Variants in ABHD12 observed in about 807,000 individuals in gnomAD.
The protein encoded by ABHD12 is abhydrolase domain containing 12, lysophospholipase.
A neutral mutation model predicts 58.3 loss-of-function variants in ABHD12; 43 were observed. The observed-to-expected ratio is 0.74, with a 90% CI of 0.58 to 0.95. The LOEUF is 0.95. Ranked by LOEUF, ABHD12 falls within the 40% of genes least tolerant of loss-of-function variation. The probability of loss-of-function intolerance (pLI) is 0.00; values close to 1 mark genes in which losing one functional copy is unlikely to be tolerated. For synonymous variants in ABHD12, 219 were observed against 211.2 expected, an observed-to-expected ratio of 1.04 and a Z score of -0.32; for missense variants, 539 against 537.2, an observed-to-expected ratio of 1.00 and a Z score of -0.03.
chr20:25,320,302 C>A lies in ABHD12; in HGVS notation c.439G>T (p.Val147Phe), dbSNP rs202035822. The change falls in exon 4 of 13, where the codon GTC becomes TTC. Residue 147 changes from valine (V) to phenylalanine (F), a missense_variant. Transcript: ENST00000339157. ...TTGCCTTGGGCGTTCTTCCACCAGA[C>A]TGCAGGGACGGTGTGCCTGCAGACA... ...TIGVWHTVPAVWWKNAQGKDQ... is the reference protein window; with the variant it reads ...TIGVWHTVPAFWWKNAQGKDQ... The A allele has an allele frequency of 1.2e-6, 2 of 1,614,036 alleles. No individual in the cohort carries two copies. The highest frequency in any genetic ancestry group is 2.2e-5 in the East Asian group (1 of 44,884).
intron 1 of ABHD12, among the ~76,000 whole-genome samples, chr20:25,382,947 G>C (rs116335933): frequency 0.012 from 1,844 of 152,224 alleles, 42 homozygotes; most frequent in African/African-American, 0.042. Context: ...TGAGGGGGGG[G>C]GCCAGCTATG....
chr20:25,355,136 TG>T (rs1347591572), intron 1 of ABHD12, among the ~76,000 whole-genome samples: 2 of 152,174 alleles, frequency 1.3e-5, no homozygotes, highest in African/African-American at 4.8e-5. Context: ...TGGGGTGTTC[TG>T]GGCACCACTG....
intron 1 of ABHD12, among the ~76,000 whole-genome samples, chr20:25,362,295 C>T (rs1033344969): frequency 1.1e-4 from 16 of 151,618 alleles, no homozygotes; most frequent in African/African-American, 3.9e-4. Context: ...AAAGAAAAGG[C>T]CGGGCACAGT....
At chr20:25,295,785 T>C (rs1204011964), downstream of ABHD12, 3 of 1,177,732 alleles carry the variant, frequency 2.5e-6, no homozygotes, top group East Asian at 7.3e-5. Flanking sequence ...GCCAGAGGGG[T>C]TTGTGATTCT....
At position 25,300,813 on chromosome 20, in the gene ABHD12, G is replaced by A. The variant is rs1334243262; in HGVS notation, c.*32C>T. 6.2e-6 allele frequency: 10 copies of A among 1,613,934 alleles called. No homozygotes were observed. Among genetic ancestry groups the A allele is most frequent in the African/African-American group, 1.3e-5 (1 of 74,944 alleles). On this transcript the variant is annotated 3_prime_UTR_variant, in exon 13 of 13. Coordinates refer to ENST00000339157, the MANE Select transcript of ABHD12 (RefSeq NM_001042472.3). The stretch of plus-strand genomic sequence containing the variant: ...ACTGGAGGAAAACGGGAGGAGGGCA[G>A]AGGTCTTCATGCTTCCTTCCCACGG...
chr20:25,376,314 G>A (rs1014956525), intron 1 of ABHD12, among the ~76,000 whole-genome samples: 2 of 152,100 alleles, frequency 1.3e-5, no homozygotes, highest in Non-Finnish European at 2.9e-5. Context: ...GCTTTTAGGC[G>A]GAAATCTTAA....
chr20:25,295,830 G>A (rs372320240), downstream of ABHD12, among the ~76,000 whole-genome samples: 4 of 152,364 alleles, frequency 2.6e-5, no homozygotes, highest in East Asian at 5.8e-4. Context: ...TGCCTTTAGG[G>A]AAGCTGTCAC....
intron 3 of ABHD12, 24 bp from the exon 4 acceptor site, chr20:25,320,342 C>A (rs767058384): frequency 6.2e-7 from 1 of 1,611,938 alleles, no homozygotes; most frequent in Non-Finnish European, 8.5e-7. Flanking sequence ...CAGAGGGGAG[C>A]GCAGGATCAG....
chr20:25,334,132 A>T (rs1256639358), intron 2 of ABHD12, among the ~76,000 whole-genome samples: 1 of 151,254 alleles, frequency 6.6e-6, no homozygotes, highest in Non-Finnish European at 1.5e-5. Flanking sequence ...AAATCAATGT[A>T]CAAAAATCAC....
At chr20:25,365,880 A>T (rs2089813787) in intron 1 of ABHD12, among the ~76,000 whole-genome samples, 3 of 152,122 alleles carry the variant, frequency 2.0e-5, no homozygotes, top group Admixed American at 6.6e-5. Context: ...TTTCTACAAA[A>T]AATTTAAACA....
chr20:25,353,022 TAAAC>T (rs1459877355), intron 1 of ABHD12, among the ~76,000 whole-genome samples: 1 of 152,192 alleles, frequency 6.6e-6, no homozygotes, highest in Non-Finnish European at 1.5e-5. Flanking sequence ...TTTTTATAAA[TAAAC>T]AAACAGAGCC....
chr20:25,306,457 A>T (rs956524331), intron 10 of ABHD12, among the ~76,000 whole-genome samples: 2 of 152,112 alleles, frequency 1.3e-5, no homozygotes, highest in African/African-American at 4.8e-5. Context: ...GGTTCACTGC[A>T]GTCTTGACCT....
chr20:25,299,581 C>T (rs117921805), downstream of ABHD12, among the ~76,000 whole-genome samples: 243 of 152,148 alleles, frequency 1.6e-3, 5 homozygotes, highest in East Asian at 0.039. Context: ...AAGTGTGCGA[C>T]GAGGCCAGGA....
intron 4 of ABHD12, among the ~76,000 whole-genome samples, 184 bp downstream of exon 4, chr20:25,320,015 C>G (rs1479595361): frequency 6.6e-6 from 1 of 152,260 alleles, no homozygotes. Context: ...TTCCCTCAAC[C>G]CCTTCAGAAC....
chr20:25,315,102 G>T, intron 5 of ABHD12, 132 bp from the exon 6 acceptor site: 1 of 938,800 alleles, frequency 1.1e-6, no homozygotes, highest in South Asian at 1.4e-5. Flanking sequence ...TAAAGACTGT[G>T]ACATGCTGCC....
At chr20:25,325,221 AAAAAAAAAAG>A (rs2089153997) in intron 2 of ABHD12, among the ~76,000 whole-genome samples, 1 of 149,438 alleles carries the variant, frequency 6.7e-6, no homozygotes, top group Non-Finnish European at 1.5e-5. Context: ...AAAAAAAAAA[AAAAAAAAAAG>A]AACTGGCTTT....
intron 2 of ABHD12, among the ~76,000 whole-genome samples, chr20:25,337,213 C>G (rs1156405621): frequency 6.6e-6 from 1 of 152,180 alleles, no homozygotes; most frequent in African/African-American, 2.4e-5. Context: ...CTGCAGTGAG[C>G]CGTGATCATA....
In ABHD12 at chr20:25,307,997, C is replaced by T. The variant is rs180761451; in HGVS notation, c.836G>A (p.Arg279His). The change falls in exon 9 of 13, where the codon CGC becomes CAC. Residue 279 changes from arginine (R) to histidine (H), a missense_variant. Coordinates refer to ENST00000339157, the MANE Select transcript of ABHD12 (RefSeq NM_001042472.3). ...LILESPFTNI[R>H]EEAKSHPFSV... The stretch of plus-strand genomic sequence containing the variant: ...AAATGGATGGCTCTTAGCTTCTTCG[C>T]GGATATTAGTGAATGGAGATTCCAA... 121 of 1,609,180 alleles carry T rather than the reference C, an allele frequency of 7.5e-5. 1 individual carries two copies. In the East Asian group the frequency reaches 2.3e-3, roughly 31 times the overall value.
intron 1 of ABHD12, among the ~76,000 whole-genome samples, chr20:25,388,077 C>A (rs1276102972): frequency 4.9e-5 from 7 of 142,508 alleles, no homozygotes; most frequent in Non-Finnish European, 4.5e-5. Flanking sequence ...CTTCATCCTA[C>A]AAAAAAAAAG....
Sources: gnomAD v4.1 joint callset for allele counts (sites outside exome capture counted in the v4.1 genomes callset) on GRCh38, gnomAD v4.1.1 for gene constraint, MANE v1.5 for transcripts, NCBI Gene and HGNC (gene_info 2026-07-23, HGNC 2026-07-21) for gene names.